FAM135B: variants seen among roughly 807,000 people sequenced by gnomAD.
FAM135B encodes family with sequence similarity 135 member B, also known as protein FAM135B.
Under a neutral mutation model 127.7 loss-of-function variants are expected in FAM135B, and 43 were observed. The ratio of observed to expected loss-of-function variants is 0.34; its 90% CI spans 0.26 to 0.43. The LOEUF is 0.43. Ranked by LOEUF, FAM135B falls within the 20% of genes least tolerant of loss-of-function variation. FAM135B has a pLI of 1.00. For missense variants in FAM135B, 1,558 were observed against 1,725.6 expected, an observed-to-expected ratio of 0.90 and a Z score of 1.72; for synonymous variants, 670 against 665.1, an observed-to-expected ratio of 1.01 and a Z score of -0.11.
At chr8:138,199,851 T>C (rs1330760488) in intron 7 of FAM135B, among the ~76,000 whole-genome samples, 3 of 152,068 alleles carry the variant, frequency 2.0e-5, no homozygotes, top group African/African-American at 7.2e-5. Flanking sequence ...TCCAATCACC[T>C]CCTCCCTCGA....
intron 11 of FAM135B, among the ~76,000 whole-genome samples, chr8:138,169,827 G>T (rs1382318719): frequency 6.6e-6 from 1 of 152,202 alleles, no homozygotes; most frequent in East Asian, 1.9e-4. Flanking sequence ...AGCAGGACAG[G>T]TGTGGGAGAG....
intron 3 of FAM135B, among the ~76,000 whole-genome samples, chr8:138,290,699 CAG>C (rs935034365): frequency 6.6e-6 from 1 of 152,016 alleles, no homozygotes; most frequent in African/African-American, 2.4e-5. Flanking sequence ...ATATTTTGAG[CAG>C]AGAGAGACTT....
At chr8:138,262,746 A>G (rs113340816) in intron 4 of FAM135B, among the ~76,000 whole-genome samples, 24,231 of 151,284 alleles carry the variant, frequency 0.16, 2,087 homozygotes, top group East Asian at 0.28. Flanking sequence ...TAAAAATACA[A>G]AAAAAATTAG....
chr8:138,371,389 AAC>A lies in FAM135B; in HGVS notation c.-19-3389_-19-3388del, dbSNP rs1009901431. ...AGATACATACAATATGCATTGATAA[AAC>A]ACACACACACAAATCTTCATCACAC... On this transcript the variant is annotated intron_variant, in intron 1 of 19. Coordinates refer to ENST00000395297, the MANE Select transcript of FAM135B (RefSeq NM_015912.4). Among the ~76,000 whole-genome samples, 3 of 152,112 alleles carry A rather than the reference AAC, an allele frequency of 2.0e-5. No homozygotes were observed. The East Asian group carries it at 5.8e-4, about 29-fold the overall frequency.
chr8:138,417,171 C>A (rs1459546377), intron 1 of FAM135B, among the ~76,000 whole-genome samples: 2 of 152,186 alleles, frequency 1.3e-5, no homozygotes, highest in Non-Finnish European at 2.9e-5. Flanking sequence ...GACTGACAGA[C>A]CTGAACAGAG....
chr8:138,217,783 C>T (rs1025351639), intron 7 of FAM135B, among the ~76,000 whole-genome samples: 7 of 152,088 alleles, frequency 4.6e-5, no homozygotes, highest in Admixed American at 2.6e-4. Context: ...ATGCGTGAGG[C>T]GCTGAGGATG....
At chr8:138,325,270 A>G (rs575466772) in intron 2 of FAM135B, among the ~76,000 whole-genome samples, 2 of 152,234 alleles carry the variant, frequency 1.3e-5, no homozygotes, top group Non-Finnish European at 2.9e-5. Flanking sequence ...TAGTTGCTGC[A>G]TGCTGATTGT....
intron 7 of FAM135B, among the ~76,000 whole-genome samples, chr8:138,240,056 A>G (rs1325639695): frequency 6.6e-6 from 1 of 152,144 alleles, no homozygotes; most frequent in South Asian, 2.1e-4. Flanking sequence ...TAAATGACGA[A>G]TTAATGGGTG....
In FAM135B at chr8:138,145,868, T is replaced by G. The variant is rs1817608399; in HGVS notation, c.3540+91A>C. On this transcript the variant is annotated intron_variant, in intron 15 of 19. Transcript: ENST00000395297. ...TCTTTTCAAGGTCTCCTCCTATCTG[T>G]GTGTGTCCATAAATTATCATGGTGC... The G allele has an allele frequency of 5.5e-6, 4 of 721,246 alleles. No homozygotes were observed. The South Asian group carries it at 6.9e-5, about 12-fold the overall frequency. The allele number at this position is 721,246 out of a possible 1,614,324, so 44.7% of individuals were successfully genotyped here. A position where few individuals can be genotyped will look rare whatever the true frequency, so the allele number is the denominator to read the frequency against.
chr8:138,332,581 C>T (rs925791951), intron 2 of FAM135B, among the ~76,000 whole-genome samples: 5 of 151,958 alleles, frequency 3.3e-5, no homozygotes, highest in African/African-American at 1.2e-4. Context: ...TCCATCTCAC[C>T]TCCATTCAAG....
chr8:138,238,671 T>C (rs958111318), intron 7 of FAM135B, among the ~76,000 whole-genome samples: 2 of 152,248 alleles, frequency 1.3e-5, no homozygotes, highest in African/African-American at 4.8e-5. Context: ...TCTCTAATCC[T>C]TCCAGCTGAT....
At chr8:138,466,299 T>C (rs1194256157) in intron 1 of FAM135B, among the ~76,000 whole-genome samples, 1 of 152,132 alleles carries the variant, frequency 6.6e-6, no homozygotes, top group African/African-American at 2.4e-5. Flanking sequence ...AGAGCTGCAC[T>C]GTGACCCAGT....
intron 9 of FAM135B, among the ~76,000 whole-genome samples, chr8:138,184,060 C>T (rs1815330687): frequency 6.6e-6 from 1 of 152,192 alleles, no homozygotes; most frequent in African/African-American, 2.4e-5. Flanking sequence ...TCACCGGGAG[C>T]TCTCAGATCC....
intron 14 of FAM135B, among the ~76,000 whole-genome samples, chr8:138,147,899 C>T (rs1381058845): frequency 6.6e-6 from 1 of 152,132 alleles, no homozygotes; most frequent in African/African-American, 2.4e-5. Context: ...TGCATGACAT[C>T]GAGCTGATGA....
chr8:138,422,932 T>C (rs1012314323), intron 1 of FAM135B, among the ~76,000 whole-genome samples: 1 of 152,098 alleles, frequency 6.6e-6, no homozygotes, highest in East Asian at 1.9e-4. Context: ...TACGATGCAA[T>C]CATAAAAGAG....
chr8:138,460,849 C>T (rs1587508190), intron 1 of FAM135B, among the ~76,000 whole-genome samples: 1 of 152,218 alleles, frequency 6.6e-6, no homozygotes, highest in East Asian at 1.9e-4. Context: ...AAGGCAATAG[C>T]TAAGGACGGC....
intron 1 of FAM135B, among the ~76,000 whole-genome samples, chr8:138,407,334 A>G (rs1261551361): frequency 1.3e-5 from 2 of 152,152 alleles, no homozygotes; most frequent in East Asian, 3.9e-4. Context: ...CATACTGCCC[A>G]AGGTAATTTA....
At chr8:138,388,648 T>C (rs1587320526) in intron 1 of FAM135B, among the ~76,000 whole-genome samples, 1 of 152,256 alleles carries the variant, frequency 6.6e-6, no homozygotes, top group East Asian at 1.9e-4. Flanking sequence ...AATCTGAAAA[T>C]GCTATATACC....
At chr8:138,368,588 G>A (rs999706688) in intron 1 of FAM135B, among the ~76,000 whole-genome samples, 4 of 152,164 alleles carry the variant, frequency 2.6e-5, no homozygotes, top group African/African-American at 9.7e-5. Context: ...TATAAATGCA[G>A]TCTCTAAAGA....
Sources: gnomAD v4.1 joint callset for allele counts (sites outside exome capture counted in the v4.1 genomes callset) on GRCh38, gnomAD v4.1.1 for gene constraint, MANE v1.5 for transcripts, NCBI Gene and HGNC (gene_info 2026-07-23, HGNC 2026-07-21) for gene names.